GADL1: variants seen among roughly 807,000 people sequenced by gnomAD.
GADL1 encodes GAD like acidic amino acid decarboxylase 1, also known as acidic amino acid decarboxylase GADL1.
In GADL1, 71 loss-of-function variants were observed where a neutral mutation model predicts 69.5. That is an observed-to-expected ratio of 1.02 (90% CI 0.84 to 1.25). GADL1 has a LOEUF of 1.25. Among genes scored for constraint, GADL1 ranks in the 50% most tolerant of loss-of-function variants. The pLI is 0.00. For missense variants in GADL1, 737 were observed against 631.8 expected (o/e 1.17, Z -1.79); for synonymous variants, 254 against 214.4 (o/e 1.18, Z -1.62).
intron 14 of GADL1, among the ~76,000 whole-genome samples, chr3:30,745,950 C>T (rs1695696223): frequency 6.6e-6 from 1 of 151,008 alleles, no homozygotes; most frequent in African/African-American, 2.4e-5. Flanking sequence ...TCCCCCTCCC[C>T]TTTCCCCCAC....
chr3:30,777,201 T>A (rs1696559069), intron 14 of GADL1, among the ~76,000 whole-genome samples: 1 of 152,076 alleles, frequency 6.6e-6, no homozygotes, highest in South Asian at 2.1e-4. Flanking sequence ...GAGTCTTTTG[T>A]TTTTTGTCTT....
intron 14 of GADL1, among the ~76,000 whole-genome samples, chr3:30,729,801 T>G (rs1045674031): frequency 2.6e-5 from 4 of 152,216 alleles, no homozygotes; most frequent in African/African-American, 9.6e-5. Flanking sequence ...TTTTTCCACA[T>G]GTACTAATTT....
At chr3:30,817,954 G>A (rs1442085982) in intron 11 of GADL1, among the ~76,000 whole-genome samples, 3 of 152,154 alleles carry the variant, frequency 2.0e-5, no homozygotes, top group South Asian at 2.1e-4. Context: ...CTGGAGATAC[G>A]GAAGATACAA....
chr3:30,728,371 C>T lies in GADL1; in HGVS notation c.1437G>A (p.Leu479=), dbSNP rs769312015. 1.3e-5 allele frequency: 21 copies of T among 1,613,886 alleles called. No individual in the cohort carries two copies. The highest frequency in any genetic ancestry group is 1.7e-4 in the Middle Eastern group (1 of 6,054). The change falls in exon 15 of 15, where the codon TTG becomes TTA. Residue 479 remains leucine (L), a synonymous_variant. Transcript: ENST00000282538. The part of the protein sequence containing the change: ...IKERMMKKGS[L]MLGYQPHRGK... ...CCCGGTGCGGCTGGTAGCCCAGCAT[C>T]AAGCTTCCCTTCTTCATCATCCTCT... is the stretch of plus-strand genomic sequence containing the variant.
At chr3:30,842,821 T>TAAAAAAAAAAA (rs1559358436) in intron 8 of GADL1, among the ~76,000 whole-genome samples, 5 of 66,462 alleles carry the variant, frequency 7.5e-5, no homozygotes, top group African/African-American at 3.5e-4. Context: ...ATTGGAATGT[T>TAAAAAAAAAAA]TAAAAAAAAA....
At chr3:30,819,021 T>A (rs2125516593) in intron 11 of GADL1, among the ~76,000 whole-genome samples, 1 of 152,232 alleles carries the variant, frequency 6.6e-6, no homozygotes, top group African/African-American at 2.4e-5. Flanking sequence ...CACAGGGGGC[T>A]ATCCCAGGCA....
At chr3:30,833,814 C>T (rs562739259) in intron 11 of GADL1, 39 bp downstream of exon 11, 7 of 1,434,694 alleles carry the variant, frequency 4.9e-6, no homozygotes, top group South Asian at 1.1e-5. Flanking sequence ...AGTGGCTTAA[C>T]CCCCTTGAAG....
At chr3:30,753,623 A>G (rs1181140318) in intron 14 of GADL1, among the ~76,000 whole-genome samples, 1 of 127,346 alleles carries the variant, frequency 7.9e-6, no homozygotes, top group East Asian at 2.5e-4. Context: ...TTCTTACAGT[A>G]CTTAAGATCA....
intron 14 of GADL1, among the ~76,000 whole-genome samples, chr3:30,741,190 A>G (rs1368961240): frequency 1.5e-5 from 2 of 132,638 alleles, no homozygotes; most frequent in Admixed American, 7.7e-5. Context: ...TTATATAATT[A>G]TGTGTGTGTG....
intron 14 of GADL1, among the ~76,000 whole-genome samples, chr3:30,733,337 T>C (rs1292168073): frequency 1.3e-5 from 2 of 152,210 alleles, no homozygotes; most frequent in South Asian, 2.1e-4. Context: ...TCTTCCAGTA[T>C]AGTTTTTCTG....
intron 14 of GADL1, among the ~76,000 whole-genome samples, chr3:30,765,667 G>T: frequency 6.6e-6 from 1 of 152,130 alleles, no homozygotes; most frequent in Admixed American, 6.5e-5. Flanking sequence ...TTGAAACAAG[G>T]AGCCCCACAT....
At chr3:30,762,955 G>A (rs1204014937) in intron 14 of GADL1, among the ~76,000 whole-genome samples, 1 of 152,092 alleles carries the variant, frequency 6.6e-6, no homozygotes. Flanking sequence ...TTGTGTATAT[G>A]TACCATACTT....
intron 1 of GADL1, among the ~76,000 whole-genome samples, chr3:30,875,953 T>C (rs1203595155): frequency 6.6e-6 from 1 of 151,966 alleles, no homozygotes; most frequent in East Asian, 1.9e-4. Flanking sequence ...ATTACCAGAT[T>C]TTCCTACAAG....
At chr3:30,755,920 G>A (rs2125481568) in intron 14 of GADL1, among the ~76,000 whole-genome samples, 1 of 152,190 alleles carries the variant, frequency 6.6e-6, no homozygotes. Context: ...GTGAGCCACT[G>A]CTATGGTCCC....
chr3:30,784,716 T>A (rs576969020), intron 13 of GADL1, among the ~76,000 whole-genome samples: 63 of 152,294 alleles, frequency 4.1e-4, no homozygotes, highest in African/African-American at 1.5e-3. Context: ...TCAACATTCC[T>A]CTCTTCTCAT....
At chr3:30,830,931 C>T (rs1181464414) in intron 11 of GADL1, among the ~76,000 whole-genome samples, 2 of 151,834 alleles carry the variant, frequency 1.3e-5, no homozygotes, top group Admixed American at 6.6e-5. Flanking sequence ...TTACATGACA[C>T]CTGCTTCTCT....
chr3:30,745,492 A>G (rs1000853622), intron 14 of GADL1, among the ~76,000 whole-genome samples: 3 of 152,230 alleles, frequency 2.0e-5, no homozygotes, highest in African/African-American at 7.2e-5. Context: ...TGCATGGACA[A>G]GGGATAGAAA....
At position 30,861,611 on chromosome 3, in the gene GADL1, A is replaced by G; in HGVS notation, c.192T>C (p.Ala64=). The G allele has an allele frequency of 6.5e-7, 1 of 1,547,682 alleles. No homozygotes were observed. The highest frequency in any genetic ancestry group is 8.7e-7 in the Non-Finnish European group (1 of 1,145,270). Residue 64 remains alanine, a synonymous_variant, in exon 2 of 15, where the codon GCT becomes GCC. Transcript: ENST00000282538. The part of the protein sequence containing the change: ...RLIMEEVVLK[A]TDVNEKVCEW... ...TTTTTACCTTCTCATTGACATCTGTAGCTTTCAAAACCACCTCTTCCATTA... is the reference window on the plus strand; with the variant it reads ...TTTTTACCTTCTCATTGACATCTGTGGCTTTCAAAACCACCTCTTCCATTA...
Position 30,800,870 on chromosome 3 carries a change from G to C in GADL1, c.1250+19C>G, listed in dbSNP as rs747228267. The stretch of plus-strand genomic sequence containing the variant: ...ACACACAGAAAGAGAGAGAGAGAGA[G>C]AGAGAGAGAGGCTAGTACCTAGATA... On this transcript the variant is annotated intron_variant, in intron 12 of 14. Coordinates refer to ENST00000282538, the MANE Select transcript of GADL1 (RefSeq NM_207359.3). 39 of 1,582,914 alleles carry C rather than the reference G, an allele frequency of 2.5e-5. No homozygotes were observed. The South Asian group carries it at 4.1e-4, about 17-fold the overall frequency.
Sources: gnomAD v4.1 joint callset for allele counts (sites outside exome capture counted in the v4.1 genomes callset) on GRCh38, gnomAD v4.1.1 for gene constraint, MANE v1.5 for transcripts, NCBI Gene and HGNC (gene_info 2026-07-23, HGNC 2026-07-21) for gene names.